Variants in SBK1 observed in about 807,000 individuals in gnomAD.
SBK1 encodes SH3 domain binding kinase 1.
In SBK1, 11 loss-of-function variants were observed where a neutral mutation model predicts 24.4. That is an observed-to-expected ratio of 0.45 (90% CI 0.28 to 0.75). The LOEUF is 0.75. Among genes scored for constraint, SBK1 ranks in the 30% least tolerant of loss-of-function variants. SBK1 has a pLI of 0.12. For synonymous variants in SBK1, 308 were observed against 284.4 expected, an observed-to-expected ratio of 1.08 and a Z score of -0.83; for missense variants, 467 against 620.5, an observed-to-expected ratio of 0.75 and a Z score of 2.63.
chr16:28,308,199 G>T (rs2044729802), intron 1 of SBK1, among the ~76,000 whole-genome samples: 1 of 152,130 alleles, frequency 6.6e-6, no homozygotes, highest in South Asian at 2.1e-4. Flanking sequence ...CACCCAGGCT[G>T]GAGTGCAATG....
chr16:28,320,183 C>T lies in SBK1; in HGVS notation c.537C>T (p.Asn179=). Residue 179 remains asparagine, a synonymous_variant, in exon 4 of 4, where the codon AAC becomes AAT. Coordinates refer to ENST00000341901, the MANE Select transcript of SBK1 (RefSeq NM_001024401.3). The surrounding 1 kb of genome is among the most constrained non-coding windows in gnomAD (Gnocchi z 8.5). ...QLVHRDIKPE[N]VLLFDRECRR... is the part of the protein sequence containing the mutation. ...TGCACCGCGACATCAAGCCCGAGAA[C>T]GTGCTGCTGTTCGACCGCGAGTGCC... The T allele has an allele frequency of 6.3e-7, 1 of 1,593,584 alleles. No homozygotes were observed. The highest frequency in any genetic ancestry group is 8.5e-7 in the Non-Finnish European group (1 of 1,175,520).
chr16:28,316,282 C>T (rs1371081981), intron 1 of SBK1, among the ~76,000 whole-genome samples: 2 of 152,124 alleles, frequency 1.3e-5, no homozygotes, highest in Admixed American at 1.3e-4. Context: ...CAGACCTCTT[C>T]CCCACCCCCT....
chr16:28,263,172 C>A (rs987949111), intron 1 of SBK1, among the ~76,000 whole-genome samples: 12 of 152,192 alleles, frequency 7.9e-5, no homozygotes, highest in African/African-American at 2.7e-4. Flanking sequence ...GCCCAATGTT[C>A]TCATTCATTC....
chr16:28,314,253 T>A (rs1315005526), intron 1 of SBK1, among the ~76,000 whole-genome samples: 2 of 151,156 alleles, frequency 1.3e-5, no homozygotes, highest in African/African-American at 2.4e-5. Context: ...AATTCCTGGG[T>A]TCAAGCGATC....
chr16:28,312,292 G>A (rs923239651), intron 1 of SBK1, among the ~76,000 whole-genome samples: 1 of 152,254 alleles, frequency 6.6e-6, no homozygotes, highest in Non-Finnish European at 1.5e-5. Context: ...GCCTCTCCCT[G>A]CTGGTGTTGC....
At chr16:28,297,029 G>A (rs1445329154) in intron 1 of SBK1, among the ~76,000 whole-genome samples, 2 of 152,066 alleles carry the variant, frequency 1.3e-5, no homozygotes, top group African/African-American at 4.8e-5. Context: ...CCTAATTATA[G>A]GAGTAACTAA....
rs187680660 is a variant in SBK1 at position 28,276,608 on chromosome 16, A to G, written c.257+17106A>G. Among the ~76,000 whole-genome samples, 20 of 152,216 alleles carry G rather than the reference A, an allele frequency of 1.3e-4. No individual in the cohort carries two copies. The East Asian group carries it at 3.5e-3, about 26-fold the overall frequency. On this transcript the variant is annotated intron_variant, in intron 1 of 3. Transcript: ENST00000671413. ...TGGTGGCAGAAGGGGGTTGCTGGGT[A>G]GTGAGAAAGTGCTGCAGGTGGTGGA... is the stretch of plus-strand genomic sequence containing the variant.
intron 1 of SBK1, among the ~76,000 whole-genome samples, chr16:28,299,499 C>T (rs939478044): frequency 3.3e-5 from 5 of 152,156 alleles, no homozygotes; most frequent in Non-Finnish European, 7.4e-5. Context: ...GATGGGACCT[C>T]GCCTGAGCTC....
At chr16:28,280,149 A>ATG (rs71380914) in intron 1 of SBK1, among the ~76,000 whole-genome samples, 1,119 of 39,314 alleles carry the variant, frequency 0.028, 80 homozygotes, top group Non-Finnish European at 0.043. Context: ...ATATATATAT[A>ATG]TGTGTGTGTG....
At chr16:28,288,338 T>C (rs952036586), upstream of SBK1, among the ~76,000 whole-genome samples, 2 of 152,156 alleles carry the variant, frequency 1.3e-5, no homozygotes, top group Non-Finnish European at 2.9e-5. Flanking sequence ...CTGCCCTTGG[T>C]CAATGACTTT....
chr16:28,275,161 T>C (rs1323929095), intron 1 of SBK1, among the ~76,000 whole-genome samples: 1 of 151,940 alleles, frequency 6.6e-6, no homozygotes, highest in Non-Finnish European at 1.5e-5. Flanking sequence ...CCCTCCCCCA[T>C]CTCTACAAAA....
At chr16:28,306,431 G>A (rs2044717116) in intron 1 of SBK1, among the ~76,000 whole-genome samples, 1 of 152,234 alleles carries the variant, frequency 6.6e-6, no homozygotes, top group Non-Finnish European at 1.5e-5. Flanking sequence ...GCTGGTTTGA[G>A]TTGAGTTTAT....
upstream of SBK1, among the ~76,000 whole-genome samples, chr16:28,288,528 C>G (rs536549917): frequency 5.4e-4 from 83 of 152,336 alleles, no homozygotes; most frequent in African/African-American, 1.7e-3. Context: ...GAGGCCATAA[C>G]CAGCGCTTGT....
At chr16:28,302,869 A>G (rs956171067) in intron 1 of SBK1, among the ~76,000 whole-genome samples, 1 of 152,136 alleles carries the variant, frequency 6.6e-6, no homozygotes, top group Admixed American at 6.6e-5. Flanking sequence ...CTAGTGAGGA[A>G]AAGAGACAGT....
At chr16:28,282,547 C>T (rs1428719601) in intron 1 of SBK1, among the ~76,000 whole-genome samples, 5 of 152,176 alleles carry the variant, frequency 3.3e-5, no homozygotes, top group Admixed American at 2.6e-4. Flanking sequence ...AGTCTGGGAG[C>T]TCCTGAAGGC....
At chr16:28,275,713 CT>C (rs1458043589) in intron 1 of SBK1, among the ~76,000 whole-genome samples, 3 of 151,936 alleles carry the variant, frequency 2.0e-5, no homozygotes, top group Non-Finnish European at 4.4e-5. Context: ...AACCCTGAGT[CT>C]ACAAAAAATA....
rs2044382717 is a variant in SBK1, at chr16:28,259,329, T to G, written c.84T>G (p.Pro28=). 2.1e-5 allele frequency: 8 copies of G among 388,102 alleles called. No individual in the cohort carries two copies. In the South Asian group the frequency reaches 8.6e-4, roughly 42 times the overall value. The allele number at this position is 388,102 out of a possible 1,614,324, so 24.0% of individuals were successfully genotyped here. A position where few individuals can be genotyped will look rare whatever the true frequency, so the allele number is the denominator to read the frequency against. The change falls in exon 1 of 4, where the codon CCT becomes CCG. Residue 28 remains proline (P), a synonymous_variant. Transcript: ENST00000671413. This position sits in a 1 kb window ranked among gnomAD's most constrained non-coding sequence, Gnocchi z 6.0. ...TGGAGCGCCCTGGCTCGGGGACTCCTGCCCAGGCTGGCGATGATGCTGCGG... is the reference window on the plus strand; with the variant it reads ...TGGAGCGCCCTGGCTCGGGGACTCCGGCCCAGGCTGGCGATGATGCTGCGG...
chr16:28,277,291 T>C (rs1018247470), intron 1 of SBK1, among the ~76,000 whole-genome samples: 3 of 151,760 alleles, frequency 2.0e-5, no homozygotes, highest in African/African-American at 4.8e-5. Flanking sequence ...GTGGGGACTT[T>C]TGAAAGCTCC....
intron 1 of SBK1, among the ~76,000 whole-genome samples, chr16:28,280,177 A>ATG (rs2044523967): frequency 1.1e-5 from 1 of 88,892 alleles, no homozygotes; most frequent in Non-Finnish European, 2.6e-5. Context: ...GTGTGTATGT[A>ATG]TATATACATA....
Sources: allele counts gnomAD v4.1 joint callset (sites outside exome capture counted in the v4.1 genomes callset), GRCh38; gene constraint gnomAD v4.1.1; non-coding constraint Gnocchi (gnomAD v3.1); transcripts MANE v1.5; gene names NCBI Gene and HGNC (gene_info 2026-07-23, HGNC 2026-07-21).